PIK3R6: variants seen among roughly 807,000 people sequenced by gnomAD.
PIK3R6 encodes the protein phosphoinositide 3-kinase regulatory subunit 6.
In PIK3R6, 91 loss-of-function variants were observed where a neutral mutation model predicts 84.9. The ratio of observed to expected loss-of-function variants is 1.07; its 90% confidence interval spans 0.90 to 1.28. The LOEUF (loss-of-function observed/expected upper bound fraction) is 1.28, where lower values mean the gene tolerates loss of function less well. Ranked by LOEUF, PIK3R6 falls within the 50% of genes most tolerant of loss-of-function variation. The pLI is 0.00. For missense variants in PIK3R6, 996 were observed against 985.1 expected, an observed-to-expected ratio of 1.01 and a Z score of -0.15; for synonymous variants, 416 against 411.4, an observed-to-expected ratio of 1.01 and a Z score of -0.13.
At position 8,819,169 on chromosome 17, in the gene PIK3R6, C is replaced by A. The variant is rs1229286051; in HGVS notation, c.1909G>T (p.Ala637Ser). 6.2e-7 allele frequency: 1 copy of A among 1,610,036 alleles called. No homozygotes were observed. The highest frequency in any genetic ancestry group is 8.5e-7 in the Non-Finnish European group (1 of 1,177,974). The change falls in exon 18 of 20, where the codon GCT becomes TCT. Residue 637 changes from alanine to serine, a missense_variant. Coordinates refer to ENST00000619866, the MANE Select transcript of PIK3R6 (RefSeq NM_001010855.4). ...VSGSSHCPLP[A>S]APVTDHTCLN... The stretch of plus-strand genomic sequence containing the variant: ...CATGTGTGGTCTGTGACAGGAGCAG[C>A]AGGCAGGGGGCAATGGCTAGACCCT...
chr17:8,865,987 T>C (rs547961975), intron 1 of PIK3R6, among the ~76,000 whole-genome samples: 1 of 152,270 alleles, frequency 6.6e-6, no homozygotes, highest in Non-Finnish European at 1.5e-5. Context: ...GCTTGGCATC[T>C]GCAGCCACCG....
chr17:8,803,998 C>T lies in PIK3R6; in HGVS notation c.2108+43G>A. On this transcript the variant is annotated intron_variant, in intron 19 of 19. Coordinates refer to ENST00000619866, the MANE Select transcript of PIK3R6 (RefSeq NM_001010855.4). This position sits in a 1 kb window ranked among gnomAD's most constrained non-coding sequence, Gnocchi z 5.0. ...GGAGCTGGCTCCTGCTTCAGTTTGT[C>T]CCACGGGCCCTGGACATCTAGGGTT... The T allele has an allele frequency of 6.5e-7, 1 of 1,538,098 alleles. No individual in the cohort carries two copies. The highest frequency in any genetic ancestry group is 9.0e-7 in the Non-Finnish European group (1 of 1,113,624).
chr17:8,815,935 C>G (rs958680540), intron 18 of PIK3R6, among the ~76,000 whole-genome samples: 2 of 152,208 alleles, frequency 1.3e-5, no homozygotes, highest in Admixed American at 1.3e-4. Flanking sequence ...CTGGCAATTT[C>G]TCAGCCAAAA....
intron 18 of PIK3R6, among the ~76,000 whole-genome samples, chr17:8,809,740 A>C (rs1313452134): frequency 6.6e-6 from 1 of 152,194 alleles, no homozygotes; most frequent in East Asian, 1.9e-4. Flanking sequence ...AATGGATAAG[A>C]AAAACAGGAT....
chr17:8,825,926 G>A (rs149330950), intron 13 of PIK3R6, among the ~76,000 whole-genome samples: 6 of 152,322 alleles, frequency 3.9e-5, no homozygotes, highest in African/African-American at 1.4e-4. Flanking sequence ...AAAAAAGTTA[G>A]AATTCTCTTA....
chr17:8,827,132 C>A (rs568038335), intron 13 of PIK3R6, 40 bp downstream of exon 13: 1 of 1,603,746 alleles, frequency 6.2e-7, no homozygotes, highest in East Asian at 2.2e-5. Flanking sequence ...ACCCCACTCC[C>A]GTCCCTCTCT....
Position 8,822,082 on chromosome 17 carries a change from G to A in PIK3R6, c.1789-146C>T, listed in dbSNP as rs1261724850. ...TTTTTTTTTTTTTTTGAGCCAGGGG[G>A]TTTCACTATGTTGCCCAGGCTGGTC... On this transcript the variant is annotated intron_variant, in intron 16 of 19. Transcript: ENST00000619866. 10 of 628,320 alleles carry A rather than the reference G, an allele frequency of 1.6e-5. No homozygotes were observed. The East Asian group carries it at 2.9e-4, about 18-fold the overall frequency. 38.9% of individuals were successfully genotyped at this position (628,320 alleles called of 1,614,324 possible). A position where few individuals can be genotyped will look rare whatever the true frequency, so the allele number is the denominator to read the frequency against.
At chr17:8,843,122 C>T (rs2088727248) in intron 2 of PIK3R6, among the ~76,000 whole-genome samples, 1 of 152,186 alleles carries the variant, frequency 6.6e-6, no homozygotes, top group African/African-American at 2.4e-5. Flanking sequence ...AGCATCATCT[C>T]CCCAGACTGT....
rs34620144 is a variant in PIK3R6 at position 8,852,738 on chromosome 17, C to CA, written c.-91-2854dup. On this transcript the variant is annotated intron_variant, in intron 1 of 19. Coordinates refer to ENST00000619866, the MANE Select transcript of PIK3R6 (RefSeq NM_001010855.4). ...TGGGTGACAGAGGGAGACTCTGTCT[C>CA]AAAAAAAAAAAAAAAGAGAGAGAGT... Among the ~76,000 whole-genome samples the CA allele has an allele frequency of 8.3e-3, 847 of 101,756 alleles. 10 individuals carry two copies. Among genetic ancestry groups the CA allele is most frequent in the African/African-American group, 0.016 (448 of 27,508 alleles). The allele number at this position is 101,756 out of a possible 152,430, so 66.8% of individuals were successfully genotyped here.
chr17:8,829,174 TACAG>T (rs2088071764), intron 10 of PIK3R6, among the ~76,000 whole-genome samples, 184 bp from the exon 11 acceptor site: 2 of 138,734 alleles, frequency 1.4e-5, no homozygotes, highest in South Asian at 2.5e-4. Context: ...CATACACATG[TACAG>T]ACACAGACAG....
rs116673873 is a variant in PIK3R6 at position 8,839,911 on chromosome 17, A to G, written c.14-214T>C. ...GTTCTTTGTAAAACCTGCATTTCCC[A>G]AAGTGCAGTATGTGTACCACTGGTG... On this transcript the variant is annotated intron_variant, in intron 2 of 19. Transcript: ENST00000619866. This position sits in a 1 kb window ranked among gnomAD's most constrained non-coding sequence, Gnocchi z 4.2. Among the ~76,000 whole-genome samples the G allele has an allele frequency of 8.0e-3, 1,224 of 152,234 alleles. 13 individuals carry two copies. The highest frequency in any genetic ancestry group is 0.028 in the African/African-American group (1,165 of 41,538).
chr17:8,858,625 A>T (rs1384324522), intron 1 of PIK3R6, among the ~76,000 whole-genome samples: 1 of 152,200 alleles, frequency 6.6e-6, no homozygotes, highest in South Asian at 2.1e-4. Flanking sequence ...TGTTTTCTCA[A>T]TGAGTCTCAA....
intron 18 of PIK3R6, among the ~76,000 whole-genome samples, chr17:8,805,095 G>T (rs1156870905): frequency 6.6e-6 from 1 of 152,154 alleles, no homozygotes; most frequent in Non-Finnish European, 1.5e-5. Flanking sequence ...AGGGGATGGG[G>T]GTAGGCCAGC....
chr17:8,809,491 T>C (rs138433007), intron 18 of PIK3R6, among the ~76,000 whole-genome samples: 8 of 152,294 alleles, frequency 5.3e-5, no homozygotes, highest in Non-Finnish European at 1.2e-4. Flanking sequence ...TTAAAAGATA[T>C]AGGCTCAGCT....
chr17:8,851,268 C>T (rs544409284), intron 1 of PIK3R6, among the ~76,000 whole-genome samples: 3 of 151,974 alleles, frequency 2.0e-5, no homozygotes, highest in Non-Finnish European at 2.9e-5. Flanking sequence ...GAGGCCGAGG[C>T]GGGCAGATCA....
chr17:8,827,468 A>G (rs1010606111), intron 12 of PIK3R6, among the ~76,000 whole-genome samples, 174 bp from the exon 13 acceptor site: 4 of 152,220 alleles, frequency 2.6e-5, no homozygotes, highest in African/African-American at 9.6e-5. Flanking sequence ...TGAAGCTAGA[A>G]TATCTTTTGC....
chr17:8,857,696 C>T (rs756493337), intron 1 of PIK3R6, among the ~76,000 whole-genome samples: 78 of 152,118 alleles, frequency 5.1e-4, no homozygotes, highest in Non-Finnish European at 1.0e-3. Context: ...GATCAGGGAT[C>T]GAGACCATCC....
At chr17:8,824,578 T>C (rs2087857035) in intron 13 of PIK3R6, among the ~76,000 whole-genome samples, 1 of 152,208 alleles carries the variant, frequency 6.6e-6, no homozygotes, top group African/African-American at 2.4e-5. Flanking sequence ...ACATTGTTTC[T>C]GGTATCTTCA....
chr17:8,826,049 G>A (rs1476212477), intron 13 of PIK3R6, among the ~76,000 whole-genome samples: 1 of 152,328 alleles, frequency 6.6e-6, no homozygotes, highest in East Asian at 1.9e-4. Context: ...CTGGAGTCAA[G>A]CTGCCTGTTT....
Sources: allele counts gnomAD v4.1 joint callset (sites outside exome capture counted in the v4.1 genomes callset), GRCh38; gene constraint gnomAD v4.1.1; non-coding constraint Gnocchi (gnomAD v3.1); transcripts MANE v1.5; gene names NCBI Gene and HGNC (gene_info 2026-07-23, HGNC 2026-07-21).